The following FILIP1 variants were observed in gnomAD, a reference collection of about 807,000 sequenced individuals.
The protein encoded by FILIP1 is filamin-A-interacting protein 1.
In FILIP1, 61 loss-of-function variants were observed where a neutral mutation model predicts 102.1. The ratio of observed to expected loss-of-function variants is 0.60; its 90% CI spans 0.49 to 0.74. The LOEUF (loss-of-function observed/expected upper bound fraction) is 0.74. FILIP1 is among the 30% of genes least tolerant of loss of function. FILIP1 has a pLI of 0.00. For synonymous variants in FILIP1, 491 were observed against 526.9 expected (o/e 0.93, Z 0.93); for missense variants, 1,314 against 1,441.2 (o/e 0.91, Z 1.43).
At position 75,314,835 on chromosome 6, in the gene FILIP1, G is replaced by A. The variant is rs540380659; in HGVS notation, c.997C>T (p.Leu333Phe). The change falls in exon 5 of 6, where the codon CTC becomes TTC. Residue 333 changes from leucine to phenylalanine, a missense_variant. Physicochemically the swap from Leu to Phe is conservative, Grantham distance 22 (BLOSUM62 0). This residue lies in a region of FILIP1 where 494 missense variants were observed against 511.2 expected (regional missense o/e 0.97). Transcript: ENST00000237172. ...NQESHNRQLRLKLVGLTQRIE... is the reference protein window; with the variant it reads ...NQESHNRQLRFKLVGLTQRIE... ...CTTTGGGTTAAGCCAACCAGCTTGA[G>A]TCTAAGTTGCCTATTGTGAGACTCT... The A allele has an allele frequency of 1.2e-6, 2 of 1,614,062 alleles. No homozygotes were observed. Among genetic ancestry groups the A allele is most frequent in the Admixed American group, 1.7e-5 (1 of 60,028 alleles).
At chr6:75,317,186 A>T (rs1172923777) in intron 4 of FILIP1, among the ~76,000 whole-genome samples, 4 of 152,160 alleles carry the variant, frequency 2.6e-5, no homozygotes, top group Admixed American at 2.6e-4. Flanking sequence ...AAACTCTCTG[A>T]TTCTCAATTT....
Position 75,414,927 on chromosome 6 carries a change from T to C in FILIP1, c.46A>G (p.Ile16Val), listed in dbSNP as rs1476618968. The change falls in exon 2 of 6, where the codon ATC becomes GTC. Residue 16 changes from isoleucine (I) to valine (V), a missense_variant. This residue lies in a region of FILIP1 where 494 missense variants were observed against 511.2 expected (regional missense o/e 0.97). Transcript: ENST00000237172. ...QGGESASDGH[I>V]SCPKPSIIGN... ...ATGATGGAGGGCTTGGGACAGGAGATATGCCCATCAGATGCACTTTCACCA... is the reference window on the plus strand; with the variant it reads ...ATGATGGAGGGCTTGGGACAGGAGACATGCCCATCAGATGCACTTTCACCA... The C allele has an allele frequency of 6.2e-7, 1 of 1,613,882 alleles. No homozygotes were observed. Among genetic ancestry groups the C allele is most frequent in the South Asian group, 1.1e-5 (1 of 91,066 alleles).
At chr6:75,422,193 T>C (rs1476349430) in intron 1 of FILIP1, among the ~76,000 whole-genome samples, 1 of 152,052 alleles carries the variant, frequency 6.6e-6, no homozygotes, top group Non-Finnish European at 1.5e-5. Flanking sequence ...TGTTAAAATA[T>C]TTTTATATTT....
chr6:75,306,541 G>C (rs944695822), downstream of FILIP1, among the ~76,000 whole-genome samples: 2 of 152,184 alleles, frequency 1.3e-5, no homozygotes, highest in Non-Finnish European at 2.9e-5. Flanking sequence ...AGTAAAAACA[G>C]TGAATGTCTT....
chr6:75,392,298 G>A (rs1277258042), intron 2 of FILIP1, among the ~76,000 whole-genome samples: 1 of 151,990 alleles, frequency 6.6e-6, no homozygotes, highest in Non-Finnish European at 1.5e-5. Flanking sequence ...CTTCCAAATT[G>A]ACAACTCCAT....
At chr6:75,297,054 G>T (rs953141429) in intron 6 of FILIP1, 1 of 152,074 alleles carries the variant, frequency 6.6e-6, no homozygotes, top group African/African-American at 2.4e-5. Context: ...GCAGGGGAAA[G>T]AAAATATTCA....
intron 2 of FILIP1, among the ~76,000 whole-genome samples, chr6:75,410,058 C>T (rs1777008878): frequency 1.3e-5 from 2 of 152,142 alleles, no homozygotes; most frequent in Admixed American, 1.3e-4. Context: ...TCCTGCAATA[C>T]CACAGTATCA....
chr6:75,321,980 G>T (rs1773680964), intron 4 of FILIP1, among the ~76,000 whole-genome samples: 1 of 152,110 alleles, frequency 6.6e-6, no homozygotes, highest in South Asian at 2.1e-4. Context: ...CAGAGAAAGA[G>T]GGAGCCATGG....
chr6:75,482,398 G>A (rs1432505298), intron 1 of FILIP1, among the ~76,000 whole-genome samples: 1 of 152,200 alleles, frequency 6.6e-6, no homozygotes, highest in Admixed American at 6.5e-5. Flanking sequence ...ACCACTTGTA[G>A]AGGAGTGGAG....
intron 1 of FILIP1, among the ~76,000 whole-genome samples, chr6:75,459,163 G>A (rs937409274): frequency 6.6e-6 from 1 of 152,148 alleles, no homozygotes; most frequent in Non-Finnish European, 1.5e-5. Flanking sequence ...ACTATACACT[G>A]TCTCTGATCC....
chr6:75,413,946 TG>T (rs1443066483), intron 2 of FILIP1, among the ~76,000 whole-genome samples: 3 of 148,330 alleles, frequency 2.0e-5, no homozygotes, highest in African/African-American at 7.5e-5. Context: ...ATAAGATTGG[TG>T]GGGGTGGGCA....
chr6:75,405,952 AAAG>A (rs1386938703), intron 2 of FILIP1, among the ~76,000 whole-genome samples: 1 of 152,216 alleles, frequency 6.6e-6, no homozygotes, highest in African/African-American at 2.4e-5. Context: ...GATTCTCTGA[AAAG>A]AAATTTAGAA....
chr6:75,463,619 T>C (rs1396291047), intron 1 of FILIP1, among the ~76,000 whole-genome samples: 2 of 152,208 alleles, frequency 1.3e-5, no homozygotes, highest in Non-Finnish European at 2.9e-5. Flanking sequence ...TTGCACAGCA[T>C]AGGTCACTAG....
intron 4 of FILIP1, among the ~76,000 whole-genome samples, chr6:75,330,569 G>A (rs1333798407): frequency 1.3e-5 from 2 of 152,096 alleles, no homozygotes; most frequent in African/African-American, 4.8e-5. Context: ...TAGACCTGTT[G>A]CTAGCAGCTT....
intron 1 of FILIP1, among the ~76,000 whole-genome samples, chr6:75,436,772 T>C (rs903424558): frequency 2.0e-5 from 3 of 152,086 alleles, no homozygotes; most frequent in Non-Finnish European, 4.4e-5. Flanking sequence ...CCTCTGTATT[T>C]AGGTCAAGAC....
At chr6:75,392,932 G>A (rs1052191912) in intron 2 of FILIP1, among the ~76,000 whole-genome samples, 1 of 152,176 alleles carries the variant, frequency 6.6e-6, no homozygotes, top group Non-Finnish European at 1.5e-5. Context: ...GGCCTCTCCA[G>A]CCACGTGGAA....
chr6:75,293,954 A>G (rs1340368631), exon 7 of FILIP1: 1 of 151,852 alleles, frequency 6.6e-6, no homozygotes, highest in African/African-American at 2.4e-5. Context: ...ACACATACAC[A>G]CTCCAGTTTT....
chr6:75,395,310 C>T (rs1449788826), intron 2 of FILIP1, among the ~76,000 whole-genome samples: 8 of 152,078 alleles, frequency 5.3e-5, no homozygotes, highest in Non-Finnish European at 1.2e-4. Flanking sequence ...GACGGAGTCT[C>T]GCTCTGTCAT....
chr6:75,323,534 G>C (rs988590573), intron 4 of FILIP1, among the ~76,000 whole-genome samples: 1 of 152,150 alleles, frequency 6.6e-6, no homozygotes, highest in Non-Finnish European at 1.5e-5. Context: ...AGCACAGGTG[G>C]GGAAGGTAAA....
Sources: allele counts gnomAD v4.1 joint callset (sites outside exome capture counted in the v4.1 genomes callset), GRCh38; gene constraint gnomAD v4.1.1; regional missense constraint gnomAD v4.1.1; transcripts MANE v1.5; gene names NCBI Gene and HGNC (gene_info 2026-07-23, HGNC 2026-07-21).